The following ERG variants were observed in gnomAD, a reference collection of about 807,000 sequenced individuals.
ERG encodes the protein ETS transcription factor ERG.
In ERG, 9 loss-of-function variants were observed where a neutral mutation model predicts 55.3. The observed-to-expected ratio is 0.16, with a 90% CI of 0.10 to 0.28. ERG has a LOEUF of 0.28. Among genes scored for constraint, ERG ranks in the 10% least tolerant of loss-of-function variants. The probability of loss-of-function intolerance (pLI) is 1.00; values close to 1 mark genes in which losing one functional copy is unlikely to be tolerated. For synonymous variants in ERG, 223 were observed against 237.3 expected (o/e 0.94, Z 0.55); for missense variants, 434 against 631.6 (o/e 0.69, Z 3.35).
chr21:38,424,447 C>T (rs377603360), intron 2 of ERG, among the ~76,000 whole-genome samples: 2 of 152,308 alleles, frequency 1.3e-5, no homozygotes, highest in East Asian at 1.9e-4. Flanking sequence ...ACAGAACACG[C>T]ACAAGGGAGG....
intron 1 of ERG, among the ~76,000 whole-genome samples, chr21:38,466,300 G>GGGGTGTGTGTGTGT (rs1555903683): frequency 2.5e-4 from 35 of 140,680 alleles, no homozygotes; most frequent in African/African-American, 5.6e-4. Flanking sequence ...GATGGTCTGG[G>GGGGTGTGTGTGTGT]GTGTGTGTGT....
chr21:38,599,078 T>A (rs959608313), intron 1 of ERG, among the ~76,000 whole-genome samples: 4 of 152,206 alleles, frequency 2.6e-5, no homozygotes, highest in African/African-American at 9.6e-5. Flanking sequence ...CCTAGGGTTC[T>A]GAGCTACCAG....
intron 1 of ERG, among the ~76,000 whole-genome samples, chr21:38,659,560 G>A (rs1486477043): frequency 6.6e-6 from 1 of 152,226 alleles, no homozygotes; most frequent in Non-Finnish European, 1.5e-5. Context: ...TAAACTCTGT[G>A]TCCTATGTAT....
chr21:38,436,880 C>CT (rs11324358), intron 2 of ERG, among the ~76,000 whole-genome samples: 3 of 147,364 alleles, frequency 2.0e-5, no homozygotes, highest in Admixed American at 2.0e-4. Flanking sequence ...CTCTTAGTTC[C>CT]TTTTTTTTTT....
At chr21:38,404,022 T>C (rs1021023143) in intron 3 of ERG, among the ~76,000 whole-genome samples, 4 of 152,204 alleles carry the variant, frequency 2.6e-5, no homozygotes, top group African/African-American at 9.7e-5. Flanking sequence ...TTATGTTCAA[T>C]TTTATTTATT....
At chr21:38,623,257 C>T (rs2060304719) in intron 1 of ERG, among the ~76,000 whole-genome samples, 2 of 149,118 alleles carry the variant, frequency 1.3e-5, no homozygotes, top group Admixed American at 6.7e-5. Flanking sequence ...CCACAGAGCA[C>T]ACACATAACC....
In ERG at chr21:38,498,335, G is replaced by A. The variant is rs1429850624; in HGVS notation, c.18+28C>T. On this transcript the variant is annotated intron_variant, in intron 1 of 9. Transcript: ENST00000288319. This position sits in a 1 kb window ranked among gnomAD's most constrained non-coding sequence, Gnocchi z 4.6. ...AAAAGAGTAACAAGAACAAGATTTT[G>A]TCAAATTAAAAGGAACCCTTTCCTT... is the stretch of plus-strand genomic sequence containing the variant. 1.3e-6 allele frequency: 2 copies of A among 1,595,092 alleles called. No individual in the cohort carries two copies. The highest frequency in any genetic ancestry group is 8.6e-7 in the Non-Finnish European group (1 of 1,164,524).
At chr21:38,536,643 T>C (rs1459302455) in intron 2 of ERG, among the ~76,000 whole-genome samples, 2 of 152,158 alleles carry the variant, frequency 1.3e-5, no homozygotes, top group African/African-American at 4.8e-5. Context: ...TCAGTGCATG[T>C]TGAAGGGAAG....
chr21:38,582,214 G>A (rs2060034212), intron 1 of ERG, among the ~76,000 whole-genome samples: 1 of 152,160 alleles, frequency 6.6e-6, no homozygotes, highest in Admixed American at 6.5e-5. Flanking sequence ...ACCTAAAAGG[G>A]GGGTTGTGGG....
chr21:38,597,257 A>G (rs2060136686), intron 1 of ERG, among the ~76,000 whole-genome samples: 1 of 152,180 alleles, frequency 6.6e-6, no homozygotes, highest in Non-Finnish European at 1.5e-5. Context: ...AGTTATAAAT[A>G]TGGATCAATA....
At chr21:38,609,850 G>A (rs1396245994) in intron 1 of ERG, among the ~76,000 whole-genome samples, 1 of 152,226 alleles carries the variant, frequency 6.6e-6, no homozygotes, top group Non-Finnish European at 1.5e-5. Context: ...TTTGTAAGCT[G>A]TGTTTCTTCA....
intron 2 of ERG, among the ~76,000 whole-genome samples, chr21:38,426,954 CAG>C (rs1014788279): frequency 6.6e-6 from 1 of 151,594 alleles, no homozygotes; most frequent in African/African-American, 2.4e-5. Context: ...ATTATAGAAA[CAG>C]GGGACATTGA....
chr21:38,598,754 G>C (rs773360007), intron 1 of ERG, among the ~76,000 whole-genome samples: 18 of 152,200 alleles, frequency 1.2e-4, no homozygotes, highest in Non-Finnish European at 2.5e-4. Context: ...TCGCAGAGGG[G>C]AGCAGGGTGG....
chr21:38,491,589 A>G (rs575338992), intron 1 of ERG, among the ~76,000 whole-genome samples: 1 of 152,348 alleles, frequency 6.6e-6, no homozygotes, highest in East Asian at 1.9e-4. Context: ...CACTTTAAAA[A>G]TAAATCATTT....
Position 38,545,277 on chromosome 21 carries a change from C to T in ERG, c.-41+30385G>A, listed in dbSNP as rs546255703. 1.1e-4 allele frequency among the ~76,000 whole-genome samples: 16 copies of T among 152,292 alleles called. No individual in the cohort carries two copies. The East Asian group carries it at 3.1e-3, about 29-fold the overall frequency. On this transcript the variant is annotated intron_variant, in intron 2 of 8. Transcript: ENST00000398897. The stretch of plus-strand genomic sequence containing the variant: ...GTAACGAAGCCATAAAATGTAAGTT[C>T]TTTCAACCTGGACCTCCCACTCTTG...
At chr21:38,552,479 T>C (rs568921012) in intron 2 of ERG, among the ~76,000 whole-genome samples, 4 of 152,222 alleles carry the variant, frequency 2.6e-5, no homozygotes, top group South Asian at 2.1e-4. Flanking sequence ...AAAAAGCTAA[T>C]CCACCATGAT....
At chr21:38,480,591 CTTTTTTTTTTTTT>C (rs544037525) in intron 1 of ERG, among the ~76,000 whole-genome samples, 7 of 51,124 alleles carry the variant, frequency 1.4e-4, no homozygotes, top group African/African-American at 4.7e-4. Flanking sequence ...ACTATATGGC[CTTTTTTTTTTTTT>C]TTTTTTTTTT....
intron 1 of ERG, among the ~76,000 whole-genome samples, chr21:38,606,570 C>T (rs970575295): frequency 3.3e-5 from 5 of 152,100 alleles, no homozygotes; most frequent in Admixed American, 3.3e-4. Flanking sequence ...GCACCCCAAA[C>T]AGCATGGATA....
chr21:38,613,857 C>A (rs560430635), intron 1 of ERG, among the ~76,000 whole-genome samples: 8 of 152,328 alleles, frequency 5.3e-5, no homozygotes, highest in African/African-American at 1.4e-4. Context: ...CTGGGCCCCC[C>A]CTCTTCAGCC....
Sources: gnomAD v4.1 joint callset for allele counts (sites outside exome capture counted in the v4.1 genomes callset) on GRCh38, gnomAD v4.1.1 for gene constraint, Gnocchi (gnomAD v3.1) non-coding constraint, MANE v1.5 for transcripts, NCBI Gene and HGNC (gene_info 2026-07-23, HGNC 2026-07-21) for gene names.